Variants in FREM3 observed in about 807,000 individuals in gnomAD.
FREM3 encodes FRAS1 related extracellular matrix 3.
Under a neutral mutation model 129.1 loss-of-function variants are expected in FREM3, and 105 were observed. That is an observed-to-expected ratio of 0.81 (90% CI 0.69 to 0.96). FREM3 has a LOEUF of 0.96. FREM3 is among the 40% of genes least tolerant of loss of function. The pLI, the probability that FREM3 is intolerant of heterozygous loss-of-function variation, is 0.00. For missense variants in FREM3, 2,593 were observed against 2,666.3 expected (o/e 0.97, Z 0.61); for synonymous variants, 1,014 against 1,044.9 (o/e 0.97, Z 0.57).
At chr4:143,685,482 G>A (rs1740343955) in intron 2 of FREM3, among the ~76,000 whole-genome samples, 1 of 152,048 alleles carries the variant, frequency 6.6e-6, no homozygotes, top group African/African-American at 2.4e-5. Flanking sequence ...CACCACTACA[G>A]GAACTGCTAA....
rs1396530531 is a variant in FREM3 at position 143,589,905 on chromosome 4, C to A, written c.6029-3912G>T. 1.7e-4 allele frequency among the ~76,000 whole-genome samples: 26 copies of A among 152,300 alleles called. No homozygotes were observed. The South Asian group carries it at 5.4e-3, about 32-fold the overall frequency. ...ATGTTCTTCCATTTCTTTGTATCCT[C>A]TTTTATTTCCTTGAGCAGTGGTTTG... On this transcript the variant is annotated intron_variant, in intron 6 of 7. Transcript: ENST00000329798.
intron 2 of FREM3, among the ~76,000 whole-genome samples, chr4:143,636,333 C>CAAAAAA (rs35792262): frequency 2.5e-5 from 2 of 81,474 alleles, no homozygotes; most frequent in African/African-American, 4.7e-5. Flanking sequence ...GCAGCCTGTC[C>CAAAAAA]AAAAAAAAAA....
intron 2 of FREM3, among the ~76,000 whole-genome samples, chr4:143,649,699 A>G (rs1036746935): frequency 6.6e-6 from 1 of 152,204 alleles, no homozygotes; most frequent in Admixed American, 6.5e-5. Context: ...CTTGTCTGTC[A>G]TTGCAAATGA....
intron 1 of FREM3, among the ~76,000 whole-genome samples, chr4:143,694,640 T>G (rs1740533348): frequency 6.6e-6 from 1 of 152,242 alleles, no homozygotes; most frequent in African/African-American, 2.4e-5. Context: ...TCTTTCTTTT[T>G]TTGTTGTTGT....
intron 2 of FREM3, among the ~76,000 whole-genome samples, chr4:143,639,331 T>G (rs943366655): frequency 2.6e-5 from 4 of 152,060 alleles, no homozygotes; most frequent in Non-Finnish European, 5.9e-5. Flanking sequence ...CAGCATGTCG[T>G]GGGAACAGAA....
rs1326826828 is a variant in FREM3 at position 143,627,687 on chromosome 4, A to G, written c.5349T>C (p.Ile1783=). The G allele has an allele frequency of 6.5e-7, 1 of 1,533,680 alleles. No individual in the cohort carries two copies. The highest frequency in any genetic ancestry group is 8.7e-7 in the Non-Finnish European group (1 of 1,143,840). ...CTAAGAATGTGGAATCTTCATCCAC[A>G]ATGTAGTACTCTTTCTCCAAACAAA... The part of the protein sequence containing the change: ...AWICLEKEYY[I]VDEDSTFLEV... Residue 1783 remains isoleucine (I), a synonymous_variant, in exon 3 of 8, where the codon ATT becomes ATC. Coordinates refer to ENST00000329798, the MANE Select transcript of FREM3 (RefSeq NM_001168235.2).
At position 143,674,057 on chromosome 4, in the gene FREM3, C is replaced by T. The variant is rs560848909; in HGVS notation, c.5275+19056G>A. On this transcript the variant is annotated intron_variant, in intron 2 of 7. Coordinates refer to ENST00000329798, the MANE Select transcript of FREM3 (RefSeq NM_001168235.2). ...GCACTTCCTGGGTGAGGCGATGCCT[C>T]GCCCTGCTTTGGCTTACGCTTGGTG... Among the ~76,000 whole-genome samples, 10 of 152,284 alleles carry T rather than the reference C, an allele frequency of 6.6e-5. No individual in the cohort carries two copies. The South Asian group carries it at 1.0e-3, about 16-fold the overall frequency.
intron 4 of FREM3, among the ~76,000 whole-genome samples, chr4:143,622,462 A>G (rs1738968642): frequency 6.7e-6 from 1 of 149,696 alleles, no homozygotes; most frequent in Non-Finnish European, 1.5e-5. Flanking sequence ...TCAGAATTCA[A>G]TGTTAAATTA....
chr4:143,695,708 G>A lies in FREM3; in HGVS notation c.4968C>T (p.Asp1656=). 2 of 1,537,238 alleles carry A rather than the reference G, an allele frequency of 1.3e-6. No homozygotes were observed. The highest frequency in any genetic ancestry group is 1.2e-5 in the South Asian group (1 of 84,056). The stretch of plus-strand genomic sequence containing the variant: ...TGGTAGTAATCTGGGGAAGCCTATT[G>A]TCTAATGATCTTATCTGGACCCTCA... ...QVMRVQIRSL[D]NRLPQITTNR... is the part of the protein sequence containing the mutation. Residue 1656 remains aspartate, a synonymous_variant, in exon 1 of 8, where the codon GAC becomes GAT. Transcript: ENST00000329798.
At chr4:143,629,785 T>G (rs75457954) in intron 2 of FREM3, among the ~76,000 whole-genome samples, 14,921 of 152,170 alleles carry the variant, frequency 0.098, 821 homozygotes, top group Non-Finnish European at 0.12. Flanking sequence ...TTCAGGAGGA[T>G]GAGGCAATTT....
intron 6 of FREM3, among the ~76,000 whole-genome samples, chr4:143,603,583 G>A (rs1188517271): frequency 1.3e-5 from 2 of 151,984 alleles, no homozygotes; most frequent in Admixed American, 1.3e-4. Flanking sequence ...GCCAGATAAA[G>A]GAACAACTTA....
At chr4:143,610,796 G>A (rs909572162) in intron 6 of FREM3, among the ~76,000 whole-genome samples, 9 of 152,122 alleles carry the variant, frequency 5.9e-5, no homozygotes, top group African/African-American at 2.2e-4. Context: ...AATTTCAGCT[G>A]GGCTCCCCAG....
intron 2 of FREM3, among the ~76,000 whole-genome samples, chr4:143,689,109 A>G (rs1311405243): frequency 6.6e-6 from 1 of 152,176 alleles, no homozygotes. Context: ...GTGGGAGAAA[A>G]TCTTCACAAT....
At chr4:143,620,011 A>G (rs1344962356) in intron 5 of FREM3, among the ~76,000 whole-genome samples, 2 of 152,216 alleles carry the variant, frequency 1.3e-5, no homozygotes, top group African/African-American at 2.4e-5. Context: ...CATACCATAC[A>G]TAAAAAGAGA....
At chr4:143,668,853 T>G (rs772240301) in intron 2 of FREM3, among the ~76,000 whole-genome samples, 1 of 152,240 alleles carries the variant, frequency 6.6e-6, no homozygotes, top group African/African-American at 2.4e-5. Flanking sequence ...TTCTCATACA[T>G]GGAGACAACC....
At chr4:143,602,039 T>G (rs552492542) in intron 6 of FREM3, 34 of 152,288 alleles carry the variant, frequency 2.2e-4, no homozygotes, top group African/African-American at 7.9e-4. Flanking sequence ...TTGGCCTAAA[T>G]GAAAACATGC....
chr4:143,665,005 A>T (rs1399253625), intron 2 of FREM3, among the ~76,000 whole-genome samples: 1 of 152,032 alleles, frequency 6.6e-6, no homozygotes, highest in Non-Finnish European at 1.5e-5. Flanking sequence ...CCTTTCTTTG[A>T]CTAGGAAAGG....
intron 6 of FREM3, 61 bp from the exon 7 acceptor site, chr4:143,586,054 T>C: frequency 1.3e-6 from 2 of 1,498,908 alleles, no homozygotes; most frequent in Non-Finnish European, 1.8e-6. Flanking sequence ...ACTGTCTCCT[T>C]TGGCCCTGTG....
intron 6 of FREM3, among the ~76,000 whole-genome samples, chr4:143,596,013 G>A (rs1738475752): frequency 6.6e-6 from 1 of 152,016 alleles, no homozygotes; most frequent in African/African-American, 2.4e-5. Flanking sequence ...AATGTTCCAG[G>A]TAGAGTGGCT....
Sources: allele counts gnomAD v4.1 joint callset (sites outside exome capture counted in the v4.1 genomes callset), GRCh38; gene constraint gnomAD v4.1.1; transcripts MANE v1.5; gene names NCBI Gene and HGNC (gene_info 2026-07-23, HGNC 2026-07-21).